DLG2: variants seen among roughly 807,000 people sequenced by gnomAD.
DLG2 encodes disks large homolog 2.
Under a neutral mutation model 132.5 loss-of-function variants are expected in DLG2, and 45 were observed. The observed-to-expected ratio is 0.34, with a 90% CI of 0.27 to 0.44. The LOEUF (loss-of-function observed/expected upper bound fraction) is 0.44, where lower values mean the gene tolerates loss of function less well. DLG2 is among the 20% of genes least tolerant of loss of function. DLG2 has a pLI of 1.00. For missense variants in DLG2, 1,045 were observed against 1,196.9 expected (o/e 0.87, Z 1.87); for synonymous variants, 424 against 419.6 (o/e 1.01, Z -0.13).
At chr11:85,163,018 G>A (rs572443579) in intron 4 of DLG2, among the ~76,000 whole-genome samples, 22 of 152,198 alleles carry the variant, frequency 1.4e-4, no homozygotes, top group South Asian at 8.3e-4. Flanking sequence ...GCAAAACAAC[G>A]TGAAAAGACT....
intron 6 of DLG2, among the ~76,000 whole-genome samples, chr11:85,029,325 C>CCAGT (rs1347599948): frequency 6.6e-6 from 1 of 152,156 alleles, no homozygotes; most frequent in Middle Eastern, 3.4e-3. Context: ...GCTGAATGAA[C>CCAGT]CAGTGCCCAT....
intron 15 of DLG2, among the ~76,000 whole-genome samples, chr11:83,888,803 A>G (rs1480971295): frequency 1.3e-5 from 2 of 152,216 alleles, no homozygotes; most frequent in East Asian, 1.9e-4. Context: ...ATAAAGCCGC[A>G]TATCTACAAC....
At chr11:84,448,653 G>A (rs542712322) in intron 7 of DLG2, among the ~76,000 whole-genome samples, 20 of 152,018 alleles carry the variant, frequency 1.3e-4, no homozygotes, top group Admixed American at 5.9e-4. Context: ...AATTTTTCCA[G>A]ATAACCACCA....
intron 9 of DLG2, among the ~76,000 whole-genome samples, chr11:84,137,130 A>G (rs766800951): frequency 1.1e-4 from 16 of 152,168 alleles, no homozygotes; most frequent in Non-Finnish European, 1.5e-4. Flanking sequence ...GGTTGTGGCA[A>G]CTTACCAGAC....
chr11:84,234,509 T>C (rs2097134329), intron 8 of DLG2, among the ~76,000 whole-genome samples: 1 of 152,182 alleles, frequency 6.6e-6, no homozygotes, highest in Admixed American at 6.5e-5. Flanking sequence ...TTATTATGTA[T>C]TAGACAAAGT....
At chr11:83,757,610 T>G (rs2093704259) in intron 18 of DLG2, among the ~76,000 whole-genome samples, 1 of 152,126 alleles carries the variant, frequency 6.6e-6, no homozygotes, top group African/African-American at 2.4e-5. Context: ...AAGGAGACCT[T>G]AGATAATTTG....
intron 7 of DLG2, among the ~76,000 whole-genome samples, chr11:84,312,502 AC>A (rs1376959614): frequency 6.6e-6 from 1 of 152,082 alleles, no homozygotes. Flanking sequence ...ACAAAACAAA[AC>A]AAAAAACCCA....
At chr11:84,044,308 G>C (rs912450404) in intron 11 of DLG2, among the ~76,000 whole-genome samples, 3 of 151,792 alleles carry the variant, frequency 2.0e-5, no homozygotes, top group Non-Finnish European at 4.4e-5. Flanking sequence ...TTCTGGTTTT[G>C]ATTGCGGCAT....
chr11:84,858,264 A>C (rs1410094422), intron 6 of DLG2, among the ~76,000 whole-genome samples: 3 of 151,960 alleles, frequency 2.0e-5, no homozygotes, highest in Admixed American at 2.0e-4. Flanking sequence ...CAGTAGGTTT[A>C]TAGTTGCCCA....
intron 6 of DLG2, among the ~76,000 whole-genome samples, chr11:84,914,776 A>G (rs1378556071): frequency 1.3e-5 from 2 of 152,230 alleles, no homozygotes; most frequent in Non-Finnish European, 2.9e-5. Context: ...GCCCGGAACA[A>G]GGCTCTAAAC....
chr11:85,284,129 C>A (rs986422972), intron 4 of DLG2, among the ~76,000 whole-genome samples: 1 of 151,852 alleles, frequency 6.6e-6, no homozygotes, highest in African/African-American at 2.4e-5. Context: ...GTCCCAACTT[C>A]ATGTACATAT....
intron 14 of DLG2, among the ~76,000 whole-genome samples, chr11:83,960,213 CT>C (rs775828410): frequency 1.3e-5 from 2 of 152,032 alleles, no homozygotes; most frequent in African/African-American, 4.8e-5. Context: ...CTCTTTAAAA[CT>C]TTCTTTGATG....
intron 2 of DLG2, among the ~76,000 whole-genome samples, chr11:85,599,420 G>A (rs570052667): frequency 1.9e-4 from 29 of 151,190 alleles, no homozygotes; most frequent in Non-Finnish European, 3.4e-4. Flanking sequence ...CTCTGTGCTG[G>A]TATTTCTTCC....
intron 18 of DLG2, among the ~76,000 whole-genome samples, chr11:83,685,289 TG>T (rs2079541234): frequency 2.0e-5 from 3 of 152,300 alleles, no homozygotes; most frequent in African/African-American, 7.2e-5. Flanking sequence ...CATTAGTGTC[TG>T]TTTTCACTTC....
At chr11:83,514,023 G>A (rs2140086580) in intron 21 of DLG2, among the ~76,000 whole-genome samples, 1 of 152,154 alleles carries the variant, frequency 6.6e-6, no homozygotes, top group East Asian at 1.9e-4. Flanking sequence ...CTCTTTTTTG[G>A]TTCCATATGA....
At chr11:84,260,927 T>G (rs1409007386) in intron 7 of DLG2, among the ~76,000 whole-genome samples, 2 of 152,160 alleles carry the variant, frequency 1.3e-5, no homozygotes, top group Non-Finnish European at 2.9e-5. Flanking sequence ...AGCTCAAATC[T>G]CAAATGTGGT....
intron 3 of DLG2, among the ~76,000 whole-genome samples, chr11:85,319,953 C>T (rs1445374984): frequency 1.3e-5 from 2 of 151,794 alleles, no homozygotes; most frequent in Non-Finnish European, 3.0e-5. Flanking sequence ...AAAATTGCAA[C>T]ATTTTTGGGT....
intron 6 of DLG2, among the ~76,000 whole-genome samples, chr11:84,755,135 A>T (rs1023912393): frequency 5.2e-4 from 79 of 152,214 alleles, no homozygotes; most frequent in African/African-American, 1.8e-3. Context: ...AAAAAATTTA[A>T]GTTTGAAGAG....
chr11:83,844,884 C>T (rs1023670470), intron 16 of DLG2, among the ~76,000 whole-genome samples: 1 of 152,170 alleles, frequency 6.6e-6, no homozygotes, highest in South Asian at 2.1e-4. Flanking sequence ...AGAGTCCAGG[C>T]TCACCAAGCC....
Sources: allele counts gnomAD v4.1 joint callset (sites outside exome capture counted in the v4.1 genomes callset), GRCh38; gene constraint gnomAD v4.1.1; transcripts MANE v1.5; gene names NCBI Gene and HGNC (gene_info 2026-07-23, HGNC 2026-07-21).